The following MED13L variants were observed in gnomAD, a reference collection of about 807,000 sequenced individuals.
The protein encoded by MED13L is mediator complex subunit 13L.
MED13L carries 7 observed loss-of-function variants against 220.9 expected under a neutral mutation model. The ratio of observed to expected loss-of-function variants is 0.03; its 90% CI spans 0.02 to 0.06. The LOEUF is 0.06. Among genes scored for constraint, MED13L ranks in the 10% least tolerant of loss-of-function variants. MED13L has a pLI of 1.00. For missense variants in MED13L, 1,965 were observed against 2,760.5 expected (o/e 0.71, Z 6.46); for synonymous variants, 1,011 against 1,015.2 (o/e 1.00, Z 0.08).
intron 2 of MED13L, among the ~76,000 whole-genome samples, chr12:116,192,812 C>A (rs866513362): frequency 2.6e-5 from 4 of 152,142 alleles, no homozygotes; most frequent in South Asian, 2.1e-4. Flanking sequence ...GACAGGCAGA[C>A]CCTGTCTCTA....
At chr12:116,197,410 C>T (rs565264457) in intron 2 of MED13L, among the ~76,000 whole-genome samples, 107 of 152,260 alleles carry the variant, frequency 7.0e-4, no homozygotes, top group African/African-American at 2.4e-3. Context: ...AGCACAACCA[C>T]TACTTTATTT....
At chr12:116,053,920 T>G (rs545719974) in intron 4 of MED13L, among the ~76,000 whole-genome samples, 7 of 152,268 alleles carry the variant, frequency 4.6e-5, no homozygotes, top group Non-Finnish European at 8.8e-5. Context: ...GGAGTTAAAG[T>G]AACTTCCCCA....
chr12:116,264,118 A>T (rs1405437997), intron 1 of MED13L, among the ~76,000 whole-genome samples: 3 of 152,220 alleles, frequency 2.0e-5, no homozygotes, highest in Admixed American at 6.5e-5. Flanking sequence ...GTTTAGAGCA[A>T]AAAGCAGAAC....
At chr12:116,155,539 C>G (rs531794037) in intron 2 of MED13L, among the ~76,000 whole-genome samples, 75 of 152,186 alleles carry the variant, frequency 4.9e-4, no homozygotes, top group African/African-American at 1.7e-3. Flanking sequence ...TACCACAGTT[C>G]GGCCACACAA....
At chr12:116,177,457 T>C (rs1228903459) in intron 2 of MED13L, among the ~76,000 whole-genome samples, 1 of 152,232 alleles carries the variant, frequency 6.6e-6, no homozygotes, top group East Asian at 1.9e-4. Context: ...TCTTGACCAT[T>C]ACTCATCTGT....
chr12:116,125,543 C>T (rs1875509667), intron 2 of MED13L, among the ~76,000 whole-genome samples: 1 of 152,144 alleles, frequency 6.6e-6, no homozygotes, highest in African/African-American at 2.4e-5. Flanking sequence ...TTATGTGTCC[C>T]ACACAATTTT....
In MED13L at chr12:116,022,542, C is replaced by T. The variant is rs1216800188; in HGVS notation, c.539G>A (p.Ser180Asn). 8 of 1,613,272 alleles carry T rather than the reference C, an allele frequency of 5.0e-6. No homozygotes were observed. The highest frequency in any genetic ancestry group is 2.2e-5 in the East Asian group (1 of 44,820). ...TGGCTGGTGCTGGGCAATCTCCACA[C>T]TTGTGCATACATTACTTTCTCCATG... Reference protein sequence around the residue: ...FLHGESNVCTSVEIAQHQPIY... With the variant: ...FLHGESNVCTNVEIAQHQPIY... The change falls in exon 5 of 31, where the codon AGT (serine) becomes AAT (asparagine). Residue 180 changes from serine (S) to asparagine (N), a missense_variant. This residue lies in a region of MED13L where 818 missense variants were observed against 1,041.2 expected (regional missense o/e 0.79). Coordinates refer to ENST00000281928, the MANE Select transcript of MED13L (RefSeq NM_015335.5).
chr12:116,256,024 C>A (rs1376396429), intron 1 of MED13L, among the ~76,000 whole-genome samples: 1 of 152,136 alleles, frequency 6.6e-6, no homozygotes, highest in Non-Finnish European at 1.5e-5. Flanking sequence ...ACAACATGTA[C>A]TACACGCCAC....
chr12:115,990,172 C>T (rs893847905), intron 17 of MED13L, among the ~76,000 whole-genome samples: 13 of 152,170 alleles, frequency 8.5e-5, no homozygotes, highest in Admixed American at 3.9e-4. Flanking sequence ...GCCTCGCTCC[C>T]CATTCTCCTT....
At chr12:116,079,369 A>C (rs1871059737) in intron 4 of MED13L, among the ~76,000 whole-genome samples, 1 of 151,186 alleles carries the variant, frequency 6.6e-6, no homozygotes, top group Non-Finnish European at 1.5e-5. Context: ...CAGGTACACA[A>C]CACCATGCCC....
In MED13L at chr12:115,986,403, A is replaced by G; in HGVS notation, c.4201T>C (p.Leu1401=). 1 of 1,614,182 alleles carries G rather than the reference A, an allele frequency of 6.2e-7. No homozygotes were observed. Among genetic ancestry groups the G allele is most frequent in the Non-Finnish European group, 8.5e-7 (1 of 1,180,030 alleles). The change falls in exon 19 of 31, where the codon TTG becomes CTG. Residue 1401 remains leucine, a synonymous_variant. Transcript: ENST00000281928. ...KDFLTISPFS[L]PFWERLLLDP... ...AACAAGAGCCTCTCCCAAAACGGCA[A>G]GGAGAATGGCGAGATGGTGAGGAAA...
chr12:116,249,156 T>A (rs1871306728), intron 1 of MED13L, among the ~76,000 whole-genome samples: 3 of 152,206 alleles, frequency 2.0e-5, no homozygotes, highest in Admixed American at 1.3e-4. Flanking sequence ...AGAGTTCACC[T>A]AAAGCTGGGA....
intron 23 of MED13L, among the ~76,000 whole-genome samples, chr12:115,977,026 G>A (rs1565988831): frequency 6.6e-6 from 1 of 152,210 alleles, no homozygotes; most frequent in Non-Finnish European, 1.5e-5. Context: ...AGCCAGGCAT[G>A]ATGGTGCATG....
Position 116,214,180 on chromosome 12 carries a change from T to A in MED13L, c.310+23288A>T, listed in dbSNP as rs567371386. On this transcript the variant is annotated intron_variant, in intron 2 of 30. Transcript: ENST00000281928. Reference sequence around the variant, plus strand: ...AGTAAATTAGGATTCCTTAGTAATATAAATAAATCCACTGGACACAAAGTT... The same window carrying A: ...AGTAAATTAGGATTCCTTAGTAATAAAAATAAATCCACTGGACACAAAGTT... Among the ~76,000 whole-genome samples, 4 of 152,324 alleles carry A rather than the reference T, an allele frequency of 2.6e-5. No homozygotes were observed. The South Asian group carries it at 8.3e-4, about 32-fold the overall frequency.
chr12:115,970,949 T>C (rs1876539823), intron 26 of MED13L, among the ~76,000 whole-genome samples, 179 bp from the exon 27 acceptor site: 1 of 152,234 alleles, frequency 6.6e-6, no homozygotes. Context: ...CATAGCTGTC[T>C]ATAATAACCC....
intron 2 of MED13L, among the ~76,000 whole-genome samples, chr12:116,160,612 T>C (rs1484633175): frequency 1.3e-5 from 2 of 150,440 alleles, no homozygotes; most frequent in African/African-American, 4.9e-5. Flanking sequence ...TGTCTCACCC[T>C]GTCACCAGGC....
At chr12:116,145,659 C>CT (rs1877427669) in intron 2 of MED13L, among the ~76,000 whole-genome samples, 1 of 123,560 alleles carries the variant, frequency 8.1e-6, no homozygotes, top group African/African-American at 3.4e-5. Flanking sequence ...ACACTCAACT[C>CT]TATTTATTTA....
At chr12:116,149,935 T>C (rs1321874419) in intron 2 of MED13L, among the ~76,000 whole-genome samples, 1 of 152,192 alleles carries the variant, frequency 6.6e-6, no homozygotes, top group East Asian at 1.9e-4. Context: ...AAAAGAAAGG[T>C]GTGATATTTC....
intron 2 of MED13L, among the ~76,000 whole-genome samples, chr12:116,185,652 GCTTTTCTTTTCTTTTCTTTTCTTTT>G (rs11274833): frequency 0.18 from 25,550 of 139,912 alleles, 2,667 homozygotes; most frequent in East Asian, 0.33. Flanking sequence ...TTCATCACAT[GCTTTTCTTTTCTTTTCTTTTCTTTT>G]CTTTTCTTTT....
Sources: gnomAD v4.1 joint callset for allele counts (sites outside exome capture counted in the v4.1 genomes callset) on GRCh38, gnomAD v4.1.1 for gene constraint, gnomAD v4.1.1 regional missense constraint, MANE v1.5 for transcripts, NCBI Gene and HGNC (gene_info 2026-07-23, HGNC 2026-07-21) for gene names.